Variants in ESR2 observed in about 807,000 individuals in gnomAD.
ESR2 encodes estrogen receptor 2.
ESR2 carries 36 observed loss-of-function variants against 49.6 expected under a neutral mutation model. That is an observed-to-expected ratio of 0.73 (90% CI 0.56 to 0.96). The LOEUF (loss-of-function observed/expected upper bound fraction) is 0.96, where lower values mean the gene tolerates loss of function less well. ESR2 is among the 40% of genes least tolerant of loss of function. The pLI is 0.00. For missense variants in ESR2, 714 were observed against 693.0 expected, an observed-to-expected ratio of 1.03 and a Z score of -0.34; for synonymous variants, 320 against 266.1, an observed-to-expected ratio of 1.20 and a Z score of -1.97.
At chr14:64,266,709 T>C (rs2076336833) in intron 4 of ESR2, among the ~76,000 whole-genome samples, 1 of 152,210 alleles carries the variant, frequency 6.6e-6, no homozygotes, top group African/African-American at 2.4e-5. Context: ...TATCTCTGGA[T>C]TTTCAGTTTC....
chr14:64,260,478 T>A lies in ESR2; in HGVS notation c.923A>T (p.His308Leu). Residue 308 changes from histidine to leucine, a missense_variant, in exon 5 of 9, where the codon CAC (histidine) becomes CTC (leucine). Coordinates refer to ENST00000341099, the MANE Select transcript of ESR2 (RefSeq NM_001437.3). ...LTKLADKELV[H>L]MISWAKKIPG... ...AATCTTCTTGGCCCAGCTGATCATG[T>A]GTACCAACTCCTTGTCGGCCAACTT... is the stretch of plus-strand genomic sequence containing the variant. The A allele has an allele frequency of 6.5e-7, 1 of 1,528,294 alleles. No homozygotes were observed. The highest frequency in any genetic ancestry group is 8.8e-7 in the Non-Finnish European group (1 of 1,139,086). 94.7% of individuals were successfully genotyped at this position (1,528,294 alleles called of 1,614,324 possible).
In ESR2 at chr14:64,280,122, G is replaced by A. The variant is rs145711407; in HGVS notation, c.394C>T (p.Arg132Cys). Residue 132 changes from arginine to cysteine, a missense_variant, in exon 3 of 9, where the codon CGT (arginine) becomes TGT (cysteine). By Grantham distance (180) the Arg-to-Cys change is radical. Transcript: ENST00000341099. ...GGACCAGTAACAGGGCTGGCGCAAC[G>A]GTTCCCACTAACCTTCCTTTTCAGT... ...ETLKRKVSGN[R>C]CASPVTGPGS... is the part of the protein sequence containing the mutation. The A allele has an allele frequency of 6.2e-7, 1 of 1,613,948 alleles. No individual in the cohort carries two copies. The highest frequency in any genetic ancestry group is 8.5e-7 in the Non-Finnish European group (1 of 1,179,926).
At chr14:64,332,977 C>T (rs1340961849) in intron 1 of ESR2, among the ~76,000 whole-genome samples, 11 of 149,708 alleles carry the variant, frequency 7.3e-5, no homozygotes, top group African/African-American at 2.5e-4. Flanking sequence ...CCTGGGTTCA[C>T]GCCATTGTCC....
At chr14:64,321,897 T>C (rs1223108499) in intron 1 of ESR2, among the ~76,000 whole-genome samples, 1 of 151,990 alleles carries the variant, frequency 6.6e-6, no homozygotes, top group East Asian at 1.9e-4. Context: ...CAATAGACAC[T>C]GGGGACTACC....
chr14:64,256,013 G>A (rs898120240), intron 6 of ESR2, among the ~76,000 whole-genome samples: 2 of 152,196 alleles, frequency 1.3e-5, no homozygotes, highest in African/African-American at 4.8e-5. Context: ...TGTAACACAG[G>A]GTCTTCTGAT....
At chr14:64,294,445 T>G (rs2076926378), upstream of ESR2, 1 of 152,406 alleles carries the variant, frequency 6.6e-6, no homozygotes, top group African/African-American at 2.4e-5. Context: ...TGAGCCCACG[T>G]GACCGAGCCA....
chr14:64,249,664 G>A lies in ESR2; in HGVS notation c.1107C>T (p.Cys369=), dbSNP rs80118085. 120 of 1,612,960 alleles carry A rather than the reference G, an allele frequency of 7.4e-5. No individual in the cohort carries two copies. The highest frequency in any genetic ancestry group is 1.8e-4 in the Admixed American group (11 of 59,824). ...CAAAGATTTCCAGAATTCCTTCTAC[G>A]CATTTCCCCTCATCCCTACAAAAGT... ...DLVLDRDEGK[C]VEGILEIFDM... is the part of the protein sequence containing the mutation. Residue 369 remains cysteine, a synonymous_variant, in exon 7 of 9, where the codon TGC becomes TGT. Transcript: ENST00000341099.
intron 6 of ESR2, among the ~76,000 whole-genome samples, chr14:64,256,467 G>A (rs1458766566): frequency 2.6e-5 from 4 of 152,278 alleles, no homozygotes; most frequent in South Asian, 4.2e-4. Flanking sequence ...GGTGGCTCAC[G>A]CCTGTAATCC....
intron 6 of ESR2, among the ~76,000 whole-genome samples, chr14:64,253,590 G>GTATA (rs1395018999): frequency 2.8e-5 from 4 of 140,894 alleles, no homozygotes; most frequent in African/African-American, 8.5e-5. Context: ...GTGTGTGTGT[G>GTATA]TGTGTGTGTG....
At chr14:64,261,118 C>T (rs1263862402) in intron 4 of ESR2, among the ~76,000 whole-genome samples, 1 of 151,688 alleles carries the variant, frequency 6.6e-6, no homozygotes, top group African/African-American at 2.4e-5. Flanking sequence ...TTTCCTTATA[C>T]TTACACAAAA....
In ESR2 at chr14:64,228,610, G is replaced by C. The variant is rs2098724518; in HGVS notation, c.*4527C>G. Among the ~76,000 whole-genome samples, 1 of 152,126 alleles carries C rather than the reference G, an allele frequency of 6.6e-6. No homozygotes were observed. The highest frequency in any genetic ancestry group is 1.5e-5 in the Non-Finnish European group (1 of 68,042). On this transcript the variant is annotated 3_prime_UTR_variant, in exon 9 of 9. Coordinates refer to ENST00000341099, the MANE Select transcript of ESR2 (RefSeq NM_001437.3). ...TACACATTGAATGACAAAAGGTATA[G>C]GACCAACAGTTAAGGCATTTAGACA... is the stretch of plus-strand genomic sequence containing the variant.
intron 7 of ESR2, among the ~76,000 whole-genome samples, chr14:64,243,435 A>C (rs2075781690): frequency 2.0e-5 from 3 of 152,258 alleles, no homozygotes; most frequent in Admixed American, 2.0e-4. Context: ...TGGTACTAAC[A>C]GACTTGTTCA....
intron 7 of ESR2, among the ~76,000 whole-genome samples, chr14:64,243,846 C>T (rs778812119): frequency 2.0e-4 from 31 of 152,164 alleles, no homozygotes; most frequent in Non-Finnish European, 4.1e-4. Context: ...GGCAGATTAG[C>T]ACTCAGCTGA....
intron 4 of ESR2, among the ~76,000 whole-genome samples, chr14:64,261,945 G>T (rs1322412860): frequency 6.6e-6 from 1 of 151,634 alleles, no homozygotes; most frequent in Non-Finnish European, 1.5e-5. Flanking sequence ...TAGAACTAGG[G>T]TCTTACTATG....
chr14:64,277,625 C>CAAAAA (rs55742946), intron 3 of ESR2, among the ~76,000 whole-genome samples: 11 of 92,326 alleles, frequency 1.2e-4, no homozygotes, highest in East Asian at 3.8e-4. Context: ...ACTCCATCTC[C>CAAAAA]AAAAAAAAAA....
At chr14:64,261,973 G>C (rs539063492) in intron 4 of ESR2, among the ~76,000 whole-genome samples, 4 of 152,146 alleles carry the variant, frequency 2.6e-5, no homozygotes, top group Admixed American at 2.0e-4. Flanking sequence ...GTCCTCAATA[G>C]TTTGACTGTT....
Position 64,278,707 on chromosome 14 carries a change from G to A in ESR2, c.535+1274C>T, listed in dbSNP as rs1002524214. Among the ~76,000 whole-genome samples, 6 of 152,274 alleles carry A rather than the reference G, an allele frequency of 3.9e-5. No homozygotes were observed. In the East Asian group the frequency reaches 5.8e-4, roughly 15 times the overall value. On this transcript the variant is annotated intron_variant, in intron 3 of 8. Transcript: ENST00000341099. The stretch of plus-strand genomic sequence containing the variant: ...GACTTCAGCAAATCAGGGCTGGTAC[G>A]AGAGAAGGAGTGTAGCAAAGACACA...
chr14:64,332,716 C>T (rs1194090046), intron 1 of ESR2, among the ~76,000 whole-genome samples: 1 of 148,528 alleles, frequency 6.7e-6, no homozygotes, highest in East Asian at 2.1e-4. Context: ...AGGAGAATGA[C>T]ATGAACCCAG....
chr14:64,272,552 C>A (rs897237492), intron 3 of ESR2, among the ~76,000 whole-genome samples: 1 of 152,140 alleles, frequency 6.6e-6, no homozygotes, highest in Non-Finnish European at 1.5e-5. Flanking sequence ...AGTCACTGAT[C>A]CATCTGGACT....
Sources: allele counts gnomAD v4.1 joint callset (sites outside exome capture counted in the v4.1 genomes callset), GRCh38; gene constraint gnomAD v4.1.1; transcripts MANE v1.5; gene names NCBI Gene and HGNC (gene_info 2026-07-23, HGNC 2026-07-21).